TANC2: variants seen among roughly 807,000 people sequenced by gnomAD.
The protein encoded by TANC2 is protein TANC2.
TANC2 carries 26 observed loss-of-function variants against 210.5 expected under a neutral mutation model. The observed-to-expected ratio is 0.12, with a 90% CI of 0.09 to 0.17. The LOEUF is 0.17. TANC2 is among the 10% of genes least tolerant of loss of function. The pLI, the probability that TANC2 is intolerant of heterozygous loss-of-function variation, is 1.00. For missense variants in TANC2, 2,129 were observed against 2,608.9 expected, an observed-to-expected ratio of 0.82 and a Z score of 4.01; for synonymous variants, 931 against 967.1, an observed-to-expected ratio of 0.96 and a Z score of 0.69.
chr17:63,398,623 G>A (rs1330634057), intron 18 of TANC2, among the ~76,000 whole-genome samples, 198 bp from the exon 19 acceptor site: 1 of 152,158 alleles, frequency 6.6e-6, no homozygotes, highest in Non-Finnish European at 1.5e-5. Context: ...AGAGAAATGT[G>A]CAAACCATAC....
At chr17:63,150,123 C>T (rs543486160) in intron 4 of TANC2, 1 of 152,024 alleles carries the variant, frequency 6.6e-6, no homozygotes, top group South Asian at 2.1e-4. Context: ...TTAGGAATAA[C>T]GTAGAATCTC....
intron 5 of TANC2, among the ~76,000 whole-genome samples, chr17:63,155,757 T>C (rs571129478): frequency 6.6e-6 from 1 of 152,340 alleles, no homozygotes; most frequent in East Asian, 1.9e-4. Flanking sequence ...AAAATTAGCA[T>C]ATATTTAAAA....
At chr17:63,312,637 G>A (rs1406309051) in intron 9 of TANC2, among the ~76,000 whole-genome samples, 1 of 152,126 alleles carries the variant, frequency 6.6e-6, no homozygotes, top group African/African-American at 2.4e-5. Flanking sequence ...GTACCTGAGG[G>A]ACAGAATCAT....
chr17:63,170,277 A>T (rs2040358886), intron 5 of TANC2, among the ~76,000 whole-genome samples: 1 of 147,088 alleles, frequency 6.8e-6, no homozygotes, highest in African/African-American at 2.5e-5. Context: ...ATACAAAAAA[A>T]AAAAAAGGTT....
intron 5 of TANC2, among the ~76,000 whole-genome samples, chr17:63,169,626 C>T (rs1457527693): frequency 3.3e-5 from 5 of 151,848 alleles, no homozygotes; most frequent in Non-Finnish European, 7.4e-5. Flanking sequence ...CCGTCCTGGC[C>T]AACATGGTGA....
intron 12 of TANC2, among the ~76,000 whole-genome samples, chr17:63,344,804 A>G (rs564762378): frequency 6.6e-6 from 1 of 152,326 alleles, no homozygotes; most frequent in Admixed American, 6.5e-5. Flanking sequence ...CTCCCTTCAT[A>G]ACTGGGCAGG....
chr17:63,121,164 A>AT (rs201302174), intron 4 of TANC2, among the ~76,000 whole-genome samples: 2,439 of 152,134 alleles, frequency 0.016, 58 homozygotes, highest in African/African-American at 0.055. Context: ...CATCCTAGCT[A>AT]TTTTTTCTCA....
intron 5 of TANC2, among the ~76,000 whole-genome samples, chr17:63,176,043 C>G (rs1412473948): frequency 6.6e-6 from 1 of 152,314 alleles, no homozygotes; most frequent in South Asian, 2.1e-4. Flanking sequence ...TAAAAAGGCT[C>G]TCACTGCCAA....
intron 1 of TANC2, among the ~76,000 whole-genome samples, chr17:63,008,338 C>G (rs2033717275): frequency 6.6e-6 from 1 of 152,142 alleles, no homozygotes. Flanking sequence ...TCAGTGGTTC[C>G]ATATGCATCT....
chr17:63,049,206 T>C (rs1033644552), intron 2 of TANC2, among the ~76,000 whole-genome samples: 1 of 152,206 alleles, frequency 6.6e-6, no homozygotes, highest in South Asian at 2.1e-4. Flanking sequence ...GCATGGCTAA[T>C]AAAGCATTGA....
At chr17:63,286,028 A>G (rs528174789) in intron 9 of TANC2, among the ~76,000 whole-genome samples, 14 of 152,252 alleles carry the variant, frequency 9.2e-5, no homozygotes, top group Admixed American at 7.9e-4. Flanking sequence ...TTTCTGCACC[A>G]TGTATATTTC....
chr17:63,284,562 A>G (rs78234845), intron 9 of TANC2, among the ~76,000 whole-genome samples: 1,874 of 152,076 alleles, frequency 0.012, 34 homozygotes, highest in African/African-American at 0.043. Flanking sequence ...ACTTCCAGAT[A>G]TATTTCTGCT....
chr17:63,412,804 C>T lies in TANC2; in HGVS notation c.3928+95C>T. 1 of 1,386,450 alleles carries T rather than the reference C, an allele frequency of 7.2e-7. No homozygotes were observed. The highest frequency in any genetic ancestry group is 9.6e-7 in the Non-Finnish European group (1 of 1,038,516). The allele number at this position is 1,386,450 out of a possible 1,614,324, so 85.9% of individuals were successfully genotyped here. ...TTTAGCCTGCATGAGTTCCCTACAC[C>T]TCTAATCTTTTAATTTACTTCACCT... On this transcript the variant is annotated intron_variant, in intron 24 of 27. Transcript: ENST00000689528. The surrounding 1 kb of genome is among the most constrained non-coding windows in gnomAD (Gnocchi z 4.2).
intron 1 of TANC2, among the ~76,000 whole-genome samples, chr17:62,993,934 A>G (rs1390800948): frequency 6.6e-6 from 1 of 152,212 alleles, no homozygotes; most frequent in African/African-American, 2.4e-5. Context: ...AAAAGAAAAA[A>G]AAAATACAAC....
intron 13 of TANC2, among the ~76,000 whole-genome samples, chr17:63,353,227 T>A (rs2046673183): frequency 6.6e-6 from 1 of 152,142 alleles, no homozygotes; most frequent in Non-Finnish European, 1.5e-5. Context: ...TTCGTTGGAC[T>A]GTATTTTGAA....
At chr17:63,205,372 A>AAAAAAAAAAAAAAAAAAC (rs1472135033) in intron 7 of TANC2, among the ~76,000 whole-genome samples, 2 of 131,810 alleles carry the variant, frequency 1.5e-5, no homozygotes, top group African/African-American at 6.2e-5. Flanking sequence ...AAAAAAAAAA[A>AAAAAAAAAAAAAAAAAAC]CCTCATACAC....
intron 6 of TANC2, among the ~76,000 whole-genome samples, chr17:63,199,107 T>C (rs1421494149): frequency 6.6e-6 from 1 of 152,174 alleles, no homozygotes; most frequent in Non-Finnish European, 1.5e-5. Context: ...AGGGACTGCA[T>C]CTAGGAATCA....
chr17:63,017,369 AATGT>A (rs1361382017), intron 2 of TANC2, among the ~76,000 whole-genome samples: 1 of 152,234 alleles, frequency 6.6e-6, no homozygotes, highest in Admixed American at 6.5e-5. Context: ...AAATGATACA[AATGT>A]ATGGGCTGCT....
rs116475274 is a variant in TANC2 at position 63,087,969 on chromosome 17, A to G, written c.140-11206A>G. ...TTTTTTACATGTTAGATGAAGTGAAAACTTCTAAGCTCCTTACATGCCAGA... is the reference window on the plus strand; with the variant it reads ...TTTTTTACATGTTAGATGAAGTGAAGACTTCTAAGCTCCTTACATGCCAGA... On this transcript the variant is annotated intron_variant, in intron 3 of 27. Coordinates refer to ENST00000689528, the Ensembl canonical transcript of TANC2. 4.1e-3 allele frequency among the ~76,000 whole-genome samples: 623 copies of G among 152,320 alleles called. 5 individuals are homozygous for G. Among genetic ancestry groups the G allele is most frequent in the African/African-American group, 0.013 (540 of 41,572 alleles).
Sources: gnomAD v4.1 joint callset for allele counts (sites outside exome capture counted in the v4.1 genomes callset) on GRCh38, gnomAD v4.1.1 for gene constraint, Gnocchi (gnomAD v3.1) non-coding constraint, MANE v1.5 for transcripts, NCBI Gene and HGNC (gene_info 2026-07-23, HGNC 2026-07-21) for gene names.